Variants in KCNH5 observed in about 807,000 individuals in gnomAD.
KCNH5 encodes potassium voltage-gated channel subfamily H member 5.
Under a neutral mutation model 96.1 loss-of-function variants are expected in KCNH5, and 46 were observed. The observed-to-expected ratio is 0.48, with a 90% CI of 0.38 to 0.61. The LOEUF (loss-of-function observed/expected upper bound fraction) is 0.61. Ranked by LOEUF, KCNH5 falls within the 20% of genes least tolerant of loss-of-function variation. The probability of loss-of-function intolerance (pLI) is 0.00; values close to 1 mark genes in which losing one functional copy is unlikely to be tolerated. For synonymous variants in KCNH5, 439 were observed against 449.8 expected (o/e 0.98, Z 0.30); for missense variants, 907 against 1,225.8 (o/e 0.74, Z 3.88).
chr14:62,920,182 G>A (rs895843335), intron 7 of KCNH5, among the ~76,000 whole-genome samples: 1 of 152,022 alleles, frequency 6.6e-6, no homozygotes, highest in Non-Finnish European at 1.5e-5. Flanking sequence ...ATGGTACAGG[G>A]AAGCTAGAGG....
intron 7 of KCNH5, among the ~76,000 whole-genome samples, chr14:62,878,206 G>GT (rs199657741): frequency 7.2e-6 from 1 of 138,314 alleles, no homozygotes; most frequent in Non-Finnish European, 1.6e-5. Flanking sequence ...GGGGATGGGG[G>GT]GGGGGGCGGA....
At chr14:62,923,428 T>C (rs921799030) in intron 7 of KCNH5, among the ~76,000 whole-genome samples, 2 of 151,954 alleles carry the variant, frequency 1.3e-5, no homozygotes, top group African/African-American at 4.8e-5. Context: ...GCAATTCCTA[T>C]CAAGATTCCA....
intron 6 of KCNH5, among the ~76,000 whole-genome samples, chr14:62,959,581 TA>T (rs1181703929): frequency 1.3e-5 from 2 of 152,040 alleles, no homozygotes; most frequent in African/African-American, 2.4e-5. Flanking sequence ...TTTATTTATA[TA>T]AAAAAACAGA....
intron 10 of KCNH5, among the ~76,000 whole-genome samples, chr14:62,734,499 AT>A (rs1478177382): frequency 2.0e-5 from 3 of 152,092 alleles, no homozygotes; most frequent in Non-Finnish European, 2.9e-5. Context: ...ACCTTTGACC[AT>A]GCTGTTTGAC....
At chr14:62,938,200 G>C (rs746430587) in intron 7 of KCNH5, among the ~76,000 whole-genome samples, 1 of 152,152 alleles carries the variant, frequency 6.6e-6, no homozygotes, top group Non-Finnish European at 1.5e-5. Context: ...AAAGGAGATA[G>C]AGTCTAAAAA....
chr14:62,722,763 C>T (rs1884842176), intron 10 of KCNH5, among the ~76,000 whole-genome samples: 1 of 152,152 alleles, frequency 6.6e-6, no homozygotes, highest in Non-Finnish European at 1.5e-5. Flanking sequence ...ACCTCATTTT[C>T]CCCTTGCAAC....
At chr14:63,021,405 T>C (rs901703281) in intron 1 of KCNH5, among the ~76,000 whole-genome samples, 1 of 152,180 alleles carries the variant, frequency 6.6e-6, no homozygotes, top group Non-Finnish European at 1.5e-5. Context: ...GGTCAGTCTC[T>C]TCATTATGTT....
At chr14:62,749,708 C>G (rs1441308733) in intron 10 of KCNH5, among the ~76,000 whole-genome samples, 1 of 152,166 alleles carries the variant, frequency 6.6e-6, no homozygotes, top group Non-Finnish European at 1.5e-5. Context: ...CCCTTAGGGG[C>G]CACTCGAACC....
At chr14:62,736,475 A>G (rs1779679756) in intron 10 of KCNH5, among the ~76,000 whole-genome samples, 1 of 152,066 alleles carries the variant, frequency 6.6e-6, no homozygotes, top group Non-Finnish European at 1.5e-5. Context: ...ACCACAAATA[A>G]CATCTCCAGA....
At chr14:62,850,028 T>C (rs10483757) in intron 7 of KCNH5, among the ~76,000 whole-genome samples, 176 bp from the exon 8 acceptor site, 16,026 of 152,166 alleles carry the variant, frequency 0.11, 1,134 homozygotes, top group East Asian at 0.3. Flanking sequence ...AAACATTACC[T>C]GCAGTAGGAG....
intron 9 of KCNH5, among the ~76,000 whole-genome samples, chr14:62,798,997 G>A (rs1003707377): frequency 1.3e-5 from 2 of 152,142 alleles, no homozygotes; most frequent in African/African-American, 4.8e-5. Context: ...ATTTTTGTGA[G>A]GTGTCCTCAG....
chr14:62,855,151 A>C (rs946391797), intron 7 of KCNH5, among the ~76,000 whole-genome samples: 11 of 152,002 alleles, frequency 7.2e-5, no homozygotes, highest in Non-Finnish European at 1.6e-4. Context: ...AGAAGAATAA[A>C]GGCCCCTGGC....
rs1027439912 is a variant in KCNH5 at position 62,699,804 on chromosome 14, C to A, written c.*7704G>T. On this transcript the variant is annotated 3_prime_UTR_variant, in exon 11 of 11. Transcript: ENST00000322893. ...TAGGTCAACAGTACATACAAAATTTCTATATTATACATTGCAGTATCTTTG... is the reference window on the plus strand; with the variant it reads ...TAGGTCAACAGTACATACAAAATTTATATATTATACATTGCAGTATCTTTG... The A allele has an allele frequency of 7.9e-5, 12 of 152,096 alleles. No individual in the cohort carries two copies. Among genetic ancestry groups the A allele is most frequent in the African/African-American group, 2.7e-4 (11 of 41,428 alleles). The allele number at this position is 152,096 out of a possible 1,614,324, so 9.4% of individuals were successfully genotyped here. A position where few individuals can be genotyped will look rare whatever the true frequency, so the allele number is the denominator to read the frequency against.
intron 1 of KCNH5, among the ~76,000 whole-genome samples, chr14:63,019,136 G>A (rs1170033206): frequency 2.0e-5 from 3 of 151,768 alleles, no homozygotes; most frequent in African/African-American, 7.3e-5. Flanking sequence ...GTTATTGGAC[G>A]ATATGATAGC....
At chr14:62,933,280 AG>A (rs778332352) in intron 7 of KCNH5, among the ~76,000 whole-genome samples, 1 of 152,204 alleles carries the variant, frequency 6.6e-6, no homozygotes, top group Non-Finnish European at 1.5e-5. Flanking sequence ...TGACTACACT[AG>A]GGGAAATCAA....
At chr14:62,744,705 T>A (rs1401886304) in intron 10 of KCNH5, among the ~76,000 whole-genome samples, 1 of 152,160 alleles carries the variant, frequency 6.6e-6, no homozygotes, top group African/African-American at 2.4e-5. Context: ...AAATGGAGTG[T>A]CTCAGCACCT....
chr14:62,865,479 T>C (rs1888117115), intron 7 of KCNH5, among the ~76,000 whole-genome samples: 3 of 152,046 alleles, frequency 2.0e-5, no homozygotes, highest in South Asian at 2.1e-4. Context: ...ATCGCACAGG[T>C]ATAGCAGATG....
rs17223930 is a variant in KCNH5 at position 62,945,593 on chromosome 14, C to G, written c.1369+4540G>C. The stretch of plus-strand genomic sequence containing the variant: ...CTTACATTCTGAAGGAAAAGAAAAA[C>G]CAAGTACACGTGGGTTCGGATCGTG... On this transcript the variant is annotated intron_variant, in intron 7 of 10. Transcript: ENST00000322893. Among the ~76,000 whole-genome samples, 1,151 of 152,160 alleles carry G rather than the reference C, an allele frequency of 7.6e-3. 47 individuals are homozygous for G. Among genetic ancestry groups the G allele is most frequent in the Admixed American group, 0.055 (840 of 15,262 alleles).
rs1884407640 is a variant in KCNH5 at position 62,705,204 on chromosome 14, T to C, written c.*2304A>G. ...ACACAGTAAATATTTGCACCACTAA[T>C]ATGCAAAGCCATGAATTAGAACTTC... On this transcript the variant is annotated 3_prime_UTR_variant, in exon 11 of 11. Coordinates refer to ENST00000322893, the MANE Select transcript of KCNH5 (RefSeq NM_139318.5). 6.6e-6 allele frequency: 1 copy of C among 152,004 alleles called. No homozygotes were observed. The highest frequency in any genetic ancestry group is 2.1e-4 in the South Asian group (1 of 4,826). 9.4% of individuals were successfully genotyped at this position (152,004 alleles called of 1,614,324 possible). A position where few individuals can be genotyped will look rare whatever the true frequency, so the allele number is the denominator to read the frequency against.
Sources: gnomAD v4.1 joint callset for allele counts (sites outside exome capture counted in the v4.1 genomes callset) on GRCh38, gnomAD v4.1.1 for gene constraint, MANE v1.5 for transcripts, NCBI Gene and HGNC (gene_info 2026-07-23, HGNC 2026-07-21) for gene names.